Variants in ERAP1 observed in about 807,000 individuals in gnomAD.
ERAP1 encodes endoplasmic reticulum aminopeptidase 1.
A neutral mutation model predicts 103.7 loss-of-function variants in ERAP1; 86 were observed. The ratio of observed to expected loss-of-function variants is 0.83; its 90% CI spans 0.70 to 0.99. The LOEUF is 0.99. ERAP1 is among the 50% of genes least tolerant of loss of function. The pLI, the probability that ERAP1 is intolerant of heterozygous loss-of-function variation, is 0.00. For missense variants in ERAP1, 1,009 were observed against 1,128.4 expected, an observed-to-expected ratio of 0.89 and a Z score of 1.52; for synonymous variants, 398 against 402.4, an observed-to-expected ratio of 0.99 and a Z score of 0.13.
At chr5:96,833,364 A>T in the ERAP1 span, among the ~76,000 whole-genome samples, 1 of 152,186 alleles carries the variant, frequency 6.6e-6, no homozygotes. Context: ...CTGTGCTTTG[A>T]TCATATAAAT....
rs765165834 is a variant in ERAP1, at chr5:96,783,143, T to G, written c.2193A>C (p.Leu731=). ...AGTTGTGCACACAGGCGAGGAGTAG[T>G]AGTTGACTCCGCAGCATTCGCTCTG... ...SVSERMLRSQ[L]LLLACVHNYQ... is the part of the protein sequence containing the mutation. The change falls in exon 15 of 19, where the codon CTA becomes CTC. Residue 731 remains leucine, a synonymous_variant. Transcript: ENST00000443439. The G allele has an allele frequency of 1.2e-6, 2 of 1,614,086 alleles. No homozygotes were observed. Among genetic ancestry groups the G allele is most frequent in the South Asian group, 2.2e-5 (2 of 91,086 alleles).
the ERAP1 span, among the ~76,000 whole-genome samples, chr5:96,814,868 C>T: frequency 6.6e-6 from 1 of 152,172 alleles, no homozygotes; most frequent in African/African-American, 2.4e-5. Context: ...GAAAAGGTGT[C>T]CTTGGGACTA....
the ERAP1 span, among the ~76,000 whole-genome samples, chr5:96,836,176 G>GTTTTTTTT: frequency 1.6e-4 from 17 of 106,672 alleles, no homozygotes; most frequent in Non-Finnish European, 2.5e-4. Context: ...CACCTCTTTG[G>GTTTTTTTT]TTTTTTTTTT....
the ERAP1 span, chr5:96,900,379 T>C: frequency 1.1e-6 from 1 of 870,014 alleles, no homozygotes; most frequent in South Asian, 3.0e-5. Flanking sequence ...CTGTTGCTAC[T>C]ATATTTTTGT....
the ERAP1 span, among the ~76,000 whole-genome samples, chr5:96,927,624 C>G: frequency 7.2e-5 from 11 of 151,924 alleles, no homozygotes; most frequent in East Asian, 2.2e-3. Context: ...GTAGCTGGGA[C>G]TACAGGCGCC....
chr5:96,929,434 C>T, the ERAP1 span, among the ~76,000 whole-genome samples: 77 of 151,476 alleles, frequency 5.1e-4, no homozygotes, highest in Non-Finnish European at 9.6e-4. Context: ...TCCTTCCTTC[C>T]CTCCCTCCCT....
intron 11 of ERAP1, chr5:96,786,762 G>C (rs1776060861): frequency 1.9e-6 from 1 of 536,372 alleles, no homozygotes; most frequent in South Asian, 2.1e-5. Flanking sequence ...TCCTTGAGTA[G>C]AGCTAAGAAT....
chr5:96,899,721 G>C, the ERAP1 span, among the ~76,000 whole-genome samples: 1 of 152,148 alleles, frequency 6.6e-6, no homozygotes, highest in Non-Finnish European at 1.5e-5. Flanking sequence ...AATATGTCAG[G>C]GGAGAGTTAA....
the ERAP1 span, chr5:96,935,371 T>G: frequency 6.6e-6 from 1 of 152,356 alleles, no homozygotes; most frequent in African/African-American, 2.4e-5. Flanking sequence ...CGTCTCCTCC[T>G]CACCGCCCTC....
the ERAP1 span, chr5:96,881,520 A>C: frequency 2.2e-6 from 1 of 453,918 alleles, no homozygotes. Context: ...ACGTTATGTG[A>C]ATTGTGTTCA....
chr5:96,912,393 AG>A, the ERAP1 span, among the ~76,000 whole-genome samples: 213 of 152,238 alleles, frequency 1.4e-3, 3 homozygotes, highest in Middle Eastern at 0.014. Flanking sequence ...ACCTCAGAGT[AG>A]GTTAAAATTT....
the ERAP1 span, among the ~76,000 whole-genome samples, chr5:96,854,604 G>GA: frequency 6.6e-6 from 1 of 152,070 alleles, no homozygotes. Flanking sequence ...GGGTCTTTGG[G>GA]AAAAATGCAT....
chr5:96,765,689 G>C (rs2150726206), intron 19 of ERAP1, among the ~76,000 whole-genome samples: 1 of 152,210 alleles, frequency 6.6e-6, no homozygotes, highest in Non-Finnish European at 1.5e-5. Context: ...AGGTACAGTG[G>C]CCTGATTTTG....
Position 96,797,178 on chromosome 5 carries a change from G to T in ERAP1, c.795C>A (p.Val265=). 1 of 1,614,070 alleles carries T rather than the reference G, an allele frequency of 6.2e-7. No homozygotes were observed. The highest frequency in any genetic ancestry group is 8.5e-7 in the Non-Finnish European group (1 of 1,180,028). ...ESVSKITKSG[V]KVSVYAVPDK... ...TATGTGACAGTCATAGGCTCACCTT[G>T]ACTCCACTCTTGGTTATCTTGCTGA... The change falls in exon 4 of 19, where the codon GTC becomes GTA. Residue 265 remains valine (V), a synonymous_variant. Transcript: ENST00000443439.
At chr5:96,844,640 A>G in the ERAP1 span, among the ~76,000 whole-genome samples, 2 of 152,322 alleles carry the variant, frequency 1.3e-5, no homozygotes, top group South Asian at 2.1e-4. Context: ...ACTGGTTTCA[A>G]TTCCAGTGGG....
At chr5:96,889,539 A>G in the ERAP1 span, 25 of 691,060 alleles carry the variant, frequency 3.6e-5, no homozygotes, top group Non-Finnish European at 6.2e-5. Flanking sequence ...ACGTTAACAT[A>G]TCTGCATCGA....
chr5:96,932,418 C>T, the ERAP1 span, among the ~76,000 whole-genome samples: 1 of 152,174 alleles, frequency 6.6e-6, no homozygotes, highest in Non-Finnish European at 1.5e-5. Flanking sequence ...AAGTTGGAAT[C>T]TTAATTAAAT....
At chr5:96,891,440 T>C in the ERAP1 span, among the ~76,000 whole-genome samples, 2 of 149,870 alleles carry the variant, frequency 1.3e-5, no homozygotes, top group African/African-American at 4.9e-5. Flanking sequence ...CAGGTACATA[T>C]ATATGTATAT....
the ERAP1 span, among the ~76,000 whole-genome samples, chr5:96,923,043 A>T: frequency 6.6e-6 from 1 of 152,052 alleles, no homozygotes; most frequent in Non-Finnish European, 1.5e-5. Context: ...TCACGATCGT[A>T]GCTCACTGTA....
Sources: allele counts gnomAD v4.1 joint callset (sites outside exome capture counted in the v4.1 genomes callset), GRCh38; gene constraint gnomAD v4.1.1; transcripts MANE v1.5; gene names NCBI Gene and HGNC (gene_info 2026-07-23, HGNC 2026-07-21).